CNTN1: variants seen among roughly 807,000 people sequenced by gnomAD.
CNTN1 encodes the protein contactin-1.
In CNTN1, 38 loss-of-function variants were observed where a neutral mutation model predicts 126.4. That is an observed-to-expected ratio of 0.30 (90% confidence interval 0.23 to 0.39). The LOEUF is 0.39. CNTN1 is among the 10% of genes least tolerant of loss of function. The pLI is 1.00. For missense variants in CNTN1, 1,009 were observed against 1,248.4 expected, an observed-to-expected ratio of 0.81 and a Z score of 2.89; for synonymous variants, 413 against 422.6, an observed-to-expected ratio of 0.98 and a Z score of 0.28.
At chr12:40,835,101 T>TA (rs774281631) in intron 1 of CNTN1, among the ~76,000 whole-genome samples, 4 of 152,308 alleles carry the variant, frequency 2.6e-5, no homozygotes, top group Non-Finnish European at 1.5e-5. Context: ...ATTATCTTTA[T>TA]AAAAATAGCT....
At chr12:40,923,070 A>T (rs940659073) in intron 5 of CNTN1, among the ~76,000 whole-genome samples, 1 of 151,548 alleles carries the variant, frequency 6.6e-6, no homozygotes, top group African/African-American at 2.4e-5. Flanking sequence ...CTTTTGGGGG[A>T]AGAAAATGTC....
chr12:40,773,837 C>T (rs573868414), intron 1 of CNTN1, among the ~76,000 whole-genome samples: 1 of 151,096 alleles, frequency 6.6e-6, no homozygotes, highest in East Asian at 1.9e-4. Flanking sequence ...AATGTATCAG[C>T]AAACATTAGT....
chr12:40,964,927 G>A (rs1186959311), intron 15 of CNTN1, among the ~76,000 whole-genome samples: 1 of 152,102 alleles, frequency 6.6e-6, no homozygotes, highest in Non-Finnish European at 1.5e-5. Flanking sequence ...TACATTAGCA[G>A]AGTTAATATC....
At chr12:40,978,659 A>T (rs922090671) in intron 15 of CNTN1, 10 of 152,196 alleles carry the variant, frequency 6.6e-5, no homozygotes, top group African/African-American at 2.4e-4. Context: ...TGAGTGGATG[A>T]CTGAATTATT....
chr12:40,788,006 T>C (rs931368660), intron 1 of CNTN1, among the ~76,000 whole-genome samples: 2 of 152,162 alleles, frequency 1.3e-5, no homozygotes, highest in African/African-American at 4.8e-5. Flanking sequence ...GTATCTCCCC[T>C]GAGCCTCATC....
At chr12:40,920,762 T>C (rs1232300340) in intron 4 of CNTN1, among the ~76,000 whole-genome samples, 1 of 152,002 alleles carries the variant, frequency 6.6e-6, no homozygotes, top group African/African-American at 2.4e-5. Flanking sequence ...TTTCATTATC[T>C]TGCCCCCATC....
intron 7 of CNTN1, among the ~76,000 whole-genome samples, chr12:40,931,270 A>T (rs938973423): frequency 1.3e-5 from 2 of 151,944 alleles, no homozygotes; most frequent in Non-Finnish European, 2.9e-5. Flanking sequence ...GAACTTTGAC[A>T]CTGCCTCTTC....
chr12:40,698,229 T>C (rs35252624), intron 1 of CNTN1, among the ~76,000 whole-genome samples: 1 of 4,796 alleles, frequency 2.1e-4, no homozygotes, highest in Non-Finnish European at 5.6e-4. Flanking sequence ...AGCCACTTAA[T>C]TTTTTTTTTT....
chr12:40,958,064 C>G (rs1327325627), intron 14 of CNTN1, among the ~76,000 whole-genome samples: 1 of 151,862 alleles, frequency 6.6e-6, no homozygotes, highest in Non-Finnish European at 1.5e-5. Context: ...ATAGGAAAAC[C>G]AAATGTCCAT....
At chr12:41,056,793 T>G (rs777561863) in intron 23 of CNTN1, among the ~76,000 whole-genome samples, 12 of 150,810 alleles carry the variant, frequency 8.0e-5, no homozygotes, top group Non-Finnish European at 1.6e-4. Flanking sequence ...ACTAACATAT[T>G]TAAAGCACCA....
intron 1 of CNTN1, among the ~76,000 whole-genome samples, chr12:40,743,136 A>G (rs887279802): frequency 1.3e-5 from 2 of 152,068 alleles, no homozygotes; most frequent in African/African-American, 2.4e-5. Flanking sequence ...TAATTGGGAC[A>G]GTTTTCTAAC....
intron 15 of CNTN1, among the ~76,000 whole-genome samples, chr12:40,960,567 T>C (rs962714578): frequency 1.3e-5 from 2 of 152,070 alleles, no homozygotes; most frequent in Admixed American, 6.6e-5. Context: ...TTGAATATAT[T>C]CTCCAATAGA....
chr12:40,938,775 T>A (rs143339997), intron 11 of CNTN1, among the ~76,000 whole-genome samples: 1 of 152,082 alleles, frequency 6.6e-6, no homozygotes, highest in Non-Finnish European at 1.5e-5. Flanking sequence ...TGATTGAAAT[T>A]GAAGTTATTT....
At chr12:40,703,879 T>A (rs1349165106) in intron 1 of CNTN1, among the ~76,000 whole-genome samples, 1 of 152,154 alleles carries the variant, frequency 6.6e-6, no homozygotes, top group Non-Finnish European at 1.5e-5. Flanking sequence ...AATGATTAAG[T>A]GAGACTTTCT....
intron 1 of CNTN1, among the ~76,000 whole-genome samples, chr12:40,736,761 G>A (rs1937706168): frequency 1.3e-5 from 2 of 152,020 alleles, no homozygotes; most frequent in African/African-American, 4.8e-5. Flanking sequence ...AGAAAGTAAT[G>A]TCTTAGAGAA....
At chr12:41,018,495 A>G (rs1948832116) in intron 19 of CNTN1, among the ~76,000 whole-genome samples, 4 of 152,076 alleles carry the variant, frequency 2.6e-5, no homozygotes, top group Admixed American at 2.6e-4. Flanking sequence ...ATTAAACACC[A>G]TTGTATTCTA....
chr12:40,842,158 T>C (rs995204133), intron 1 of CNTN1, among the ~76,000 whole-genome samples: 3 of 152,090 alleles, frequency 2.0e-5, no homozygotes, highest in Non-Finnish European at 2.9e-5. Context: ...AAAGTGCCAT[T>C]TGAGGAAATA....
At chr12:40,863,324 G>A (rs1231228392) in intron 1 of CNTN1, among the ~76,000 whole-genome samples, 3 of 152,096 alleles carry the variant, frequency 2.0e-5, no homozygotes, top group Admixed American at 2.0e-4. Flanking sequence ...TTGATGAATA[G>A]ATAATTTATA....
chr12:40,871,819 G>A (rs1053807488), intron 1 of CNTN1, among the ~76,000 whole-genome samples: 3 of 151,984 alleles, frequency 2.0e-5, no homozygotes, highest in African/African-American at 7.2e-5. Flanking sequence ...GGTTATTGTT[G>A]GTGGTGGTAG....
Sources: gnomAD v4.1 joint callset for allele counts (sites outside exome capture counted in the v4.1 genomes callset) on GRCh38, gnomAD v4.1.1 for gene constraint, MANE v1.5 for transcripts, NCBI Gene and HGNC (gene_info 2026-07-23, HGNC 2026-07-21) for gene names.